The following TMEM132D variants were observed in gnomAD, a reference collection of about 807,000 sequenced individuals.
TMEM132D encodes mature OL transmembrane protein.
A neutral mutation model predicts 62.3 loss-of-function variants in TMEM132D; 21 were observed. That is an observed-to-expected ratio of 0.34 (90% CI 0.24 to 0.49). The LOEUF (loss-of-function observed/expected upper bound fraction) is 0.49, where lower values mean the gene tolerates loss of function less well. Among genes scored for constraint, TMEM132D ranks in the 20% least tolerant of loss-of-function variants. TMEM132D has a pLI of 0.99. For missense variants in TMEM132D, 1,346 were observed against 1,402.8 expected (o/e 0.96, Z 0.65); for synonymous variants, 621 against 575.6 (o/e 1.08, Z -1.13).
chr12:129,503,860 T>C (rs1875237830), intron 3 of TMEM132D, among the ~76,000 whole-genome samples: 2 of 152,078 alleles, frequency 1.3e-5, no homozygotes, highest in African/African-American at 4.8e-5. Context: ...CCTTCCAGAT[T>C]TTCCTCCTCC....
chr12:129,183,855 TA>T (rs1055442266), intron 5 of TMEM132D, among the ~76,000 whole-genome samples: 7 of 151,574 alleles, frequency 4.6e-5, no homozygotes, highest in Non-Finnish European at 7.4e-5. Flanking sequence ...TCCCCTTGGA[TA>T]GGGGCATGGA....
intron 1 of TMEM132D, among the ~76,000 whole-genome samples, chr12:129,702,879 T>C (rs1234111848): frequency 1.3e-5 from 2 of 152,236 alleles, no homozygotes; most frequent in African/African-American, 4.8e-5. Context: ...TACACTAGGA[T>C]GTTATTCACT....
chr12:129,552,319 CTATAT>C (rs1445531812), intron 2 of TMEM132D, among the ~76,000 whole-genome samples: 1 of 152,132 alleles, frequency 6.6e-6, no homozygotes, highest in Non-Finnish European at 1.5e-5. Context: ...AATCCATTAT[CTATAT>C]ATCTGGCTAC....
chr12:129,436,273 T>C (rs1593007862), intron 3 of TMEM132D, among the ~76,000 whole-genome samples: 1 of 152,198 alleles, frequency 6.6e-6, no homozygotes, highest in East Asian at 1.9e-4. Flanking sequence ...GAGAATAGTA[T>C]TCCATCACTC....
chr12:129,899,375 G>A (rs956556101), intron 1 of TMEM132D, among the ~76,000 whole-genome samples: 1 of 130,660 alleles, frequency 7.7e-6, no homozygotes, highest in Non-Finnish European at 1.6e-5. Flanking sequence ...TGGATGGACT[G>A]GTAGATGGAT....
chr12:129,281,672 T>G (rs1324815987), intron 4 of TMEM132D, among the ~76,000 whole-genome samples: 1 of 152,204 alleles, frequency 6.6e-6, no homozygotes, highest in African/African-American at 2.4e-5. Context: ...CCTCTATGAT[T>G]GCATAAACAG....
At position 129,878,234 on chromosome 12, in the gene TMEM132D, C is replaced by A. The variant is rs557297329; in HGVS notation, c.79+25027G>T. On this transcript the variant is annotated intron_variant, in intron 1 of 8. Coordinates refer to ENST00000422113, the MANE Select transcript of TMEM132D (RefSeq NM_133448.3). ...CTACCTTAAGCTACTCGGGCTCAAA[C>A]CCCAAATCTCTTTTAAGTATCTATT... Among the ~76,000 whole-genome samples the A allele has an allele frequency of 5.1e-4, 77 of 152,328 alleles. No individual in the cohort carries two copies. The South Asian group carries it at 0.016, about 31-fold the overall frequency.
At chr12:129,783,206 C>T (rs995755086) in intron 1 of TMEM132D, among the ~76,000 whole-genome samples, 6 of 152,118 alleles carry the variant, frequency 3.9e-5, no homozygotes, top group Admixed American at 3.9e-4. Flanking sequence ...CTTTCCAAAG[C>T]TCTTCAAATG....
chr12:129,792,365 G>A (rs1011199455), intron 1 of TMEM132D, among the ~76,000 whole-genome samples: 1 of 152,066 alleles, frequency 6.6e-6, no homozygotes, highest in South Asian at 2.1e-4. Flanking sequence ...CCTGTAAAAC[G>A]GGATCAATGT....
intron 2 of TMEM132D, among the ~76,000 whole-genome samples, chr12:129,674,956 C>T (rs139862909): frequency 3.0e-4 from 45 of 152,228 alleles, no homozygotes; most frequent in African/African-American, 1.0e-3. Context: ...TTGTTTTCAG[C>T]ATGTATGTTT....
At chr12:129,310,833 C>G (rs1462088024) in intron 4 of TMEM132D, among the ~76,000 whole-genome samples, 1 of 152,124 alleles carries the variant, frequency 6.6e-6, no homozygotes, top group Non-Finnish European at 1.5e-5. Context: ...GAGCTCCAGC[C>G]TCCGGGCTTG....
intron 3 of TMEM132D, among the ~76,000 whole-genome samples, chr12:129,426,455 A>T (rs1468645574): frequency 1.3e-5 from 2 of 152,098 alleles, no homozygotes; most frequent in Non-Finnish European, 2.9e-5. Context: ...AAGAAGAAGG[A>T]TAGCAGAGTT....
chr12:129,579,647 A>C (rs1877785705), intron 2 of TMEM132D, among the ~76,000 whole-genome samples: 1 of 152,228 alleles, frequency 6.6e-6, no homozygotes, highest in East Asian at 1.9e-4. Context: ...GAAGGCTGGA[A>C]GACTCATAAA....
chr12:129,692,862 G>A lies in TMEM132D; in HGVS notation c.968+6948C>T, dbSNP rs544958982. 3.3e-5 allele frequency among the ~76,000 whole-genome samples: 5 copies of A among 152,174 alleles called. No homozygotes were observed. In the East Asian group the frequency reaches 9.7e-4, roughly 29 times the overall value. On this transcript the variant is annotated intron_variant, in intron 2 of 8. Coordinates refer to ENST00000422113, the MANE Select transcript of TMEM132D (RefSeq NM_133448.3). Reference sequence around the variant, plus strand: ...GGGCCTGTCGGGGGAGGGCAGTGGGGGGAGAGCATTAAGAAAAAGAACTAA... The same window carrying A: ...GGGCCTGTCGGGGGAGGGCAGTGGGAGGAGAGCATTAAGAAAAAGAACTAA...
chr12:129,725,445 A>AC (rs1294268710), intron 1 of TMEM132D, among the ~76,000 whole-genome samples: 5 of 152,232 alleles, frequency 3.3e-5, no homozygotes, highest in Non-Finnish European at 7.3e-5. Context: ...TGGTGATGCC[A>AC]CCGAACTTGG....
chr12:129,449,321 C>T (rs188405141), intron 3 of TMEM132D, among the ~76,000 whole-genome samples: 25 of 152,282 alleles, frequency 1.6e-4, no homozygotes, highest in African/African-American at 5.8e-4. Context: ...ATGTTTAGAG[C>T]CATGCTTAGT....
At chr12:129,535,907 G>T (rs569346430) in intron 2 of TMEM132D, among the ~76,000 whole-genome samples, 10 of 152,028 alleles carry the variant, frequency 6.6e-5, no homozygotes, top group Non-Finnish European at 1.0e-4. Flanking sequence ...CCCAAGAAGA[G>T]AAATTTGGAT....
chr12:129,236,632 G>A (rs781409656), intron 4 of TMEM132D, among the ~76,000 whole-genome samples: 10 of 151,752 alleles, frequency 6.6e-5, no homozygotes, highest in Non-Finnish European at 1.5e-4. Context: ...TTTTCGTGGC[G>A]TCTTTAGGGT....
At chr12:129,379,419 A>C (rs990614066) in intron 3 of TMEM132D, among the ~76,000 whole-genome samples, 2 of 152,202 alleles carry the variant, frequency 1.3e-5, no homozygotes, top group Non-Finnish European at 2.9e-5. Context: ...TGGACTGATA[A>C]TAACTGGGAA....
Sources: gnomAD v4.1 joint callset for allele counts (sites outside exome capture counted in the v4.1 genomes callset) on GRCh38, gnomAD v4.1.1 for gene constraint, MANE v1.5 for transcripts, NCBI Gene and HGNC (gene_info 2026-07-23, HGNC 2026-07-21) for gene names.